SPATA17: variants seen among roughly 807,000 people sequenced by gnomAD.
SPATA17 encodes spermatogenesis-associated protein 17.
A neutral mutation model predicts 62.2 loss-of-function variants in SPATA17; 53 were observed. That is an observed-to-expected ratio of 0.85 (90% CI 0.68 to 1.07). SPATA17 has a LOEUF of 1.07. SPATA17 is among the 50% of genes least tolerant of loss of function. The pLI, the probability that SPATA17 is intolerant of heterozygous loss-of-function variation, is 0.00. For missense variants in SPATA17, 466 were observed against 425.5 expected (o/e 1.10, Z -0.84); for synonymous variants, 146 against 146.8 (o/e 0.99, Z 0.04).
intron 5 of SPATA17, among the ~76,000 whole-genome samples, chr1:217,722,202 G>C (rs1672142438): frequency 6.6e-6 from 1 of 152,132 alleles, no homozygotes; most frequent in Admixed American, 6.5e-5. Flanking sequence ...ACAGACTTTA[G>C]CATGCTTTCT....
At chr1:217,829,418 A>G (rs1461186330) in intron 9 of SPATA17, among the ~76,000 whole-genome samples, 1 of 151,878 alleles carries the variant, frequency 6.6e-6, no homozygotes, top group African/African-American at 2.4e-5. Flanking sequence ...ATCTGAGGTC[A>G]GGAGTTCAAG....
At chr1:217,765,870 T>C (rs975645804) in intron 6 of SPATA17, among the ~76,000 whole-genome samples, 1 of 152,086 alleles carries the variant, frequency 6.6e-6, no homozygotes, top group Admixed American at 6.5e-5. Context: ...CAAATTGTTG[T>C]GTCTTCTTGG....
intron 3 of SPATA17, among the ~76,000 whole-genome samples, chr1:217,659,187 A>AACACAC (rs10546517): frequency 0.011 from 1,531 of 144,612 alleles, 32 homozygotes; most frequent in African/African-American, 0.036. Flanking sequence ...TGCCCATCAA[A>AACACAC]ACACACACAC....
At chr1:217,677,379 A>T (rs1670970296) in intron 4 of SPATA17, among the ~76,000 whole-genome samples, 1 of 152,078 alleles carries the variant, frequency 6.6e-6, no homozygotes, top group Non-Finnish European at 1.5e-5. Flanking sequence ...AATCCCTTAA[A>T]GTACTTACCA....
intron 7 of SPATA17, among the ~76,000 whole-genome samples, chr1:217,775,502 A>G (rs1435890435): frequency 1.3e-5 from 2 of 152,130 alleles, no homozygotes; most frequent in Non-Finnish European, 2.9e-5. Flanking sequence ...CAAGAGATCA[A>G]GACCATCCTG....
chr1:217,860,836 A>T (rs1454905555), intron 9 of SPATA17, among the ~76,000 whole-genome samples: 1 of 152,120 alleles, frequency 6.6e-6, no homozygotes, highest in Admixed American at 6.5e-5. Context: ...TAAAGTGATT[A>T]TTAATATAGT....
chr1:217,801,643 T>G, intron 8 of SPATA17, 75 bp from the exon 9 acceptor site: 1 of 1,300,698 alleles, frequency 7.7e-7, no homozygotes, highest in South Asian at 1.5e-5. Context: ...CTATAGTACT[T>G]CTACAAAGCC....
At chr1:217,646,082 A>G (rs1269855655) in intron 1 of SPATA17, among the ~76,000 whole-genome samples, 1 of 152,144 alleles carries the variant, frequency 6.6e-6, no homozygotes, top group Non-Finnish European at 1.5e-5. Context: ...CAGGGAGTCT[A>G]GAATTCCTTA....
intron 4 of SPATA17, among the ~76,000 whole-genome samples, chr1:217,673,517 C>A (rs1168333313): frequency 6.6e-6 from 1 of 152,154 alleles, no homozygotes; most frequent in African/African-American, 2.4e-5. Flanking sequence ...CATTGTGGAT[C>A]CTATTTAAAT....
At chr1:217,731,142 C>G (rs1014040719) in intron 5 of SPATA17, among the ~76,000 whole-genome samples, 2 of 151,786 alleles carry the variant, frequency 1.3e-5, no homozygotes, top group African/African-American at 4.8e-5. Context: ...CTCTGCATTC[C>G]TTGTGTACTC....
At chr1:217,851,089 C>T (rs1675655056) in intron 9 of SPATA17, among the ~76,000 whole-genome samples, 1 of 152,066 alleles carries the variant, frequency 6.6e-6, no homozygotes, top group Non-Finnish European at 1.5e-5. Flanking sequence ...TGCTGTTCAG[C>T]TTTGGTGGTT....
chr1:217,780,025 G>T (rs1391502959), intron 7 of SPATA17, among the ~76,000 whole-genome samples: 2 of 152,070 alleles, frequency 1.3e-5, no homozygotes, highest in Non-Finnish European at 2.9e-5. Flanking sequence ...AGTCTTGGAT[G>T]ATCTAGGTAT....
chr1:217,653,032 C>T (rs371488694), intron 3 of SPATA17, among the ~76,000 whole-genome samples: 23 of 152,260 alleles, frequency 1.5e-4, no homozygotes, highest in African/African-American at 4.6e-4. Flanking sequence ...CAAAAACTAT[C>T]GAGGCAGTTT....
intron 5 of SPATA17, among the ~76,000 whole-genome samples, chr1:217,723,464 CTT>C (rs1483185619): frequency 1.3e-5 from 2 of 152,168 alleles, no homozygotes; most frequent in Non-Finnish European, 2.9e-5. Flanking sequence ...TAGATTAAAT[CTT>C]TCTTTTGTAT....
At chr1:217,845,553 A>G (rs977720151) in intron 9 of SPATA17, among the ~76,000 whole-genome samples, 2 of 152,086 alleles carry the variant, frequency 1.3e-5, no homozygotes, top group African/African-American at 2.4e-5. Context: ...CTTGACCTGT[A>G]TAAAACCCAG....
chr1:217,842,644 T>C (rs1675436655), intron 9 of SPATA17, among the ~76,000 whole-genome samples: 1 of 152,012 alleles, frequency 6.6e-6, no homozygotes, highest in African/African-American at 2.4e-5. Context: ...TTTTTATTCA[T>C]GGATATTGAT....
At chr1:217,715,305 G>A (rs982523271) in intron 5 of SPATA17, among the ~76,000 whole-genome samples, 2 of 152,056 alleles carry the variant, frequency 1.3e-5, no homozygotes, top group Non-Finnish European at 2.9e-5. Context: ...CCAAAGATAG[G>A]GAACGTTATC....
At chr1:217,774,672 T>C (rs1571797329) in intron 7 of SPATA17, 135 bp downstream of exon 7, 1 of 708,010 alleles carries the variant, frequency 1.4e-6, no homozygotes, top group Non-Finnish European at 2.3e-6. Flanking sequence ...CATATTTTTG[T>C]GCAATCAGCT....
chr1:217,663,369 T>TGGGAGGCAGAGGTTGCA (rs1670612584), intron 3 of SPATA17, among the ~76,000 whole-genome samples: 1 of 150,718 alleles, frequency 6.6e-6, no homozygotes, highest in Non-Finnish European at 1.5e-5. Context: ...CGCTTGAACC[T>TGGGAGGCAGAGGTTGCA]GGGAGGCAGA....
Sources: allele counts gnomAD v4.1 joint callset (sites outside exome capture counted in the v4.1 genomes callset), GRCh38; gene constraint gnomAD v4.1.1; transcripts MANE v1.5; gene names NCBI Gene and HGNC (gene_info 2026-07-23, HGNC 2026-07-21).